ASXL2: variants seen among roughly 807,000 people sequenced by gnomAD.
ASXL2 encodes the protein ASXL transcriptional regulator 2.
Under a neutral mutation model 122.0 loss-of-function variants are expected in ASXL2, and 23 were observed. That is an observed-to-expected ratio of 0.19 (90% CI 0.14 to 0.27). The LOEUF (loss-of-function observed/expected upper bound fraction) is 0.27. Ranked by LOEUF, ASXL2 falls within the 10% of genes least tolerant of loss-of-function variation. ASXL2 has a pLI of 1.00. For missense variants in ASXL2, 1,518 were observed against 1,713.8 expected, an observed-to-expected ratio of 0.89 and a Z score of 2.02; for synonymous variants, 650 against 637.0, an observed-to-expected ratio of 1.02 and a Z score of -0.31.
At position 25,742,766 on chromosome 2, in the gene ASXL2, C is replaced by T. The variant is rs1480694101; in HGVS notation, c.3571G>A (p.Glu1191Lys). 9 of 1,613,834 alleles carry T rather than the reference C, an allele frequency of 5.6e-6. No homozygotes were observed. In the Admixed American group the frequency reaches 1.3e-4, roughly 24 times the overall value. The change falls in exon 13 of 13, where the codon GAA becomes AAA. Residue 1191 changes from glutamate to lysine, a missense_variant. This residue lies in a region of ASXL2 where 831 missense variants were observed against 833.1 expected (regional missense o/e 1.00). Transcript: ENST00000435504. ...TDEESTGDEQ[E>K]SVTVKEEPQV... ...GGCTCCTCTTTCACTGTGACAGATTCCTGCTCATCACCAGTACTTTCCTCA... is the reference window on the plus strand; with the variant it reads ...GGCTCCTCTTTCACTGTGACAGATTTCTGCTCATCACCAGTACTTTCCTCA...
intron 1 of ASXL2, among the ~76,000 whole-genome samples, chr2:25,864,607 T>C (rs971680524): frequency 6.6e-6 from 1 of 152,046 alleles, no homozygotes; most frequent in Non-Finnish European, 1.5e-5. Flanking sequence ...CACAGGGTAA[T>C]CTTTTACTTA....
intron 3 of ASXL2, among the ~76,000 whole-genome samples, chr2:25,820,673 T>C (rs1435139903): frequency 6.6e-6 from 1 of 152,044 alleles, no homozygotes; most frequent in Non-Finnish European, 1.5e-5. Context: ...CGGATTATGG[T>C]GATAATAGCA....
intron 5 of ASXL2, among the ~76,000 whole-genome samples, chr2:25,798,450 C>T (rs574046555): frequency 9.9e-5 from 15 of 152,114 alleles, no homozygotes; most frequent in Non-Finnish European, 1.8e-4. Flanking sequence ...AAAGGTCAAA[C>T]TATGGAAACA....
At chr2:25,762,313 C>CAAA (rs35610577) in intron 8 of ASXL2, among the ~76,000 whole-genome samples, 1 of 107,398 alleles carries the variant, frequency 9.3e-6, no homozygotes, top group Non-Finnish European at 1.9e-5. Context: ...ATGAACACAC[C>CAAA]AAAAAAAAAA....
rs1330303797 is a variant in ASXL2 at position 25,742,311 on chromosome 2, G to C, written c.4026C>G (p.Asn1342Lys). ...NVSTSSDMDH[N>K]SAVPGSQVSS... ...ATACCTGGCTACCTGGTACAGCAGA[G>C]TTATGGTCCATGTCAGATGAGGTGG... is the stretch of plus-strand genomic sequence containing the variant. Residue 1342 changes from asparagine to lysine, a missense_variant, in exon 13 of 13, where the codon AAC becomes AAG. This residue lies in a region of ASXL2 where 831 missense variants were observed against 833.1 expected (regional missense o/e 1.00). Transcript: ENST00000435504. The C allele has an allele frequency of 6.2e-7, 1 of 1,612,990 alleles. No individual in the cohort carries two copies. Among genetic ancestry groups the C allele is most frequent in the South Asian group, 1.1e-5 (1 of 91,052 alleles).
chr2:25,808,151 C>A (rs1003905173), intron 3 of ASXL2, among the ~76,000 whole-genome samples: 3 of 152,082 alleles, frequency 2.0e-5, no homozygotes, highest in African/African-American at 7.3e-5. Context: ...GGGATCCTTT[C>A]TCTTCCCTTG....
At chr2:25,779,679 T>A (rs1574412215) in intron 5 of ASXL2, among the ~76,000 whole-genome samples, 1 of 152,316 alleles carries the variant, frequency 6.6e-6, no homozygotes, top group African/African-American at 2.4e-5. Context: ...TTTGCTTTCT[T>A]ATTTCTAGGA....
chr2:25,766,235 G>T (rs750590291), intron 8 of ASXL2, among the ~76,000 whole-genome samples: 27 of 151,556 alleles, frequency 1.8e-4, no homozygotes, highest in Admixed American at 8.5e-4. Context: ...TATGTTTCGA[G>T]ATCTTTAAAA....
chr2:25,762,313 C>CAA (rs35610577), intron 8 of ASXL2, among the ~76,000 whole-genome samples: 24 of 107,360 alleles, frequency 2.2e-4, no homozygotes, highest in African/African-American at 5.4e-4. Context: ...ATGAACACAC[C>CAA]AAAAAAAAAA....
chr2:25,748,898 A>T (rs1378850804), intron 12 of ASXL2, among the ~76,000 whole-genome samples: 1 of 152,264 alleles, frequency 6.6e-6, no homozygotes, highest in Non-Finnish European at 1.5e-5. Context: ...ACTGGAAGTT[A>T]ATCACATGCT....
intron 4 of ASXL2, among the ~76,000 whole-genome samples, chr2:25,799,894 T>G (rs927506745): frequency 6.7e-6 from 1 of 149,832 alleles, no homozygotes; most frequent in Admixed American, 6.7e-5. Context: ...CCTGTAATGC[T>G]AACACTTTGG....
At chr2:25,775,557 C>A (rs1044843033) in intron 5 of ASXL2, among the ~76,000 whole-genome samples, 1 of 152,144 alleles carries the variant, frequency 6.6e-6, no homozygotes, top group Non-Finnish European at 1.5e-5. Context: ...ATAGTGAGTT[C>A]TCATGAGATC....
chr2:25,837,491 A>G (rs986129649), intron 2 of ASXL2, among the ~76,000 whole-genome samples: 13 of 152,212 alleles, frequency 8.5e-5, no homozygotes, highest in African/African-American at 2.9e-4. Context: ...TACTATTTAT[A>G]GTTTATGATG....
intron 5 of ASXL2, among the ~76,000 whole-genome samples, chr2:25,782,583 T>C (rs1484609761): frequency 6.6e-6 from 1 of 151,992 alleles, no homozygotes; most frequent in Non-Finnish European, 1.5e-5. Flanking sequence ...TCTAACATAA[T>C]GTTAAATAAG....
chr2:25,785,213 AT>A (rs1380470211), intron 5 of ASXL2, among the ~76,000 whole-genome samples: 1 of 152,020 alleles, frequency 6.6e-6, no homozygotes, highest in Non-Finnish European at 1.5e-5. Context: ...TCCCAAACTT[AT>A]TTATTTATTT....
intron 8 of ASXL2, among the ~76,000 whole-genome samples, chr2:25,765,304 T>C (rs2088325637): frequency 6.6e-6 from 1 of 151,854 alleles, no homozygotes; most frequent in Non-Finnish European, 1.5e-5. Context: ...GCTAACACAG[T>C]GAAACCCCGT....
At position 25,878,194 on chromosome 2, in the gene ASXL2, C is replaced by T. The variant is rs775926681; in HGVS notation, c.29G>A (p.Gly10Asp). 6.2e-7 allele frequency: 1 copy of T among 1,613,906 alleles called. No individual in the cohort carries two copies. Among genetic ancestry groups the T allele is most frequent in the Non-Finnish European group, 8.5e-7 (1 of 1,179,876 alleles). Residue 10 changes from glycine (G) to aspartate (D), a missense_variant, in exon 1 of 13, where the codon GGC becomes GAC. By Grantham distance (94) the Gly-to-Asp change is moderately conservative. This residue lies in a region of ASXL2 where 28 missense variants were observed against 42.2 expected (regional missense o/e 0.66). Transcript: ENST00000435504. The part of the protein sequence containing the change: MREKGRRKK[G>D]RTWAEAAKTV... ...CTTGGCGGCCTCCGCCCAGGTCCTG[C>T]CCTTCTTCCTACGTCCCTTTTCCCT...
chr2:25,849,646 T>C (rs1308838440), intron 1 of ASXL2, among the ~76,000 whole-genome samples: 8 of 151,906 alleles, frequency 5.3e-5, no homozygotes, highest in African/African-American at 1.9e-4. Context: ...GGCTAATTTT[T>C]GTATTTTTTT....
At chr2:25,759,430 C>T in intron 9 of ASXL2, 52 bp downstream of exon 9, 1 of 1,552,078 alleles carries the variant, frequency 6.4e-7, no homozygotes. Flanking sequence ...TACCACTTTA[C>T]AAGTATACAT....
Sources: allele counts gnomAD v4.1 joint callset (sites outside exome capture counted in the v4.1 genomes callset), GRCh38; gene constraint gnomAD v4.1.1; regional missense constraint gnomAD v4.1.1; transcripts MANE v1.5; gene names NCBI Gene and HGNC (gene_info 2026-07-23, HGNC 2026-07-21).